Variants in PTPRT observed in about 807,000 individuals in gnomAD.
PTPRT encodes the protein protein tyrosine phosphatase receptor type T.
In PTPRT, 56 loss-of-function variants were observed where a neutral mutation model predicts 176.8. The ratio of observed to expected loss-of-function variants is 0.32; its 90% CI spans 0.26 to 0.40. The LOEUF (loss-of-function observed/expected upper bound fraction) is 0.40. Ranked by LOEUF, PTPRT falls within the 10% of genes least tolerant of loss-of-function variation. The pLI is 1.00. For missense variants in PTPRT, 1,540 were observed against 1,908.2 expected (o/e 0.81, Z 3.60); for synonymous variants, 783 against 739.0 (o/e 1.06, Z -0.96).
intron 1 of PTPRT, among the ~76,000 whole-genome samples, chr20:42,896,302 C>T (rs1350786370): frequency 1.3e-5 from 2 of 151,970 alleles, no homozygotes; most frequent in African/African-American, 4.8e-5. Flanking sequence ...TGGAGCGCCC[C>T]TTGCAAGACT....
chr20:42,206,385 TAGGGA>T (rs2055461623), intron 15 of PTPRT, among the ~76,000 whole-genome samples: 1 of 152,122 alleles, frequency 6.6e-6, no homozygotes, highest in Admixed American at 6.5e-5. Flanking sequence ...TTCATCTCAC[TAGGGA>T]GTGCCAGACA....
intron 17 of PTPRT, among the ~76,000 whole-genome samples, chr20:42,143,526 C>T (rs922683274): frequency 1.4e-5 from 2 of 146,576 alleles, no homozygotes; most frequent in African/African-American, 5.1e-5. Flanking sequence ...TACTGCACTC[C>T]AGCCTGGGCG....
At chr20:42,477,087 C>A (rs574522500) in intron 7 of PTPRT, among the ~76,000 whole-genome samples, 1 of 152,204 alleles carries the variant, frequency 6.6e-6, no homozygotes, top group Non-Finnish European at 1.5e-5. Context: ...CTGTCCACTT[C>A]CCCCAGACAT....
intron 1 of PTPRT, among the ~76,000 whole-genome samples, chr20:42,943,980 C>G (rs773433110): frequency 1.3e-5 from 2 of 152,136 alleles, no homozygotes; most frequent in Non-Finnish European, 2.9e-5. Flanking sequence ...GATGGCACCA[C>G]TGCACTCCAA....
chr20:43,163,855 C>T (rs986451402), intron 1 of PTPRT, among the ~76,000 whole-genome samples: 1 of 152,116 alleles, frequency 6.6e-6, no homozygotes, highest in Non-Finnish European at 1.5e-5. Flanking sequence ...TGAACACATC[C>T]GTTCCTCAAC....
intron 2 of PTPRT, among the ~76,000 whole-genome samples, chr20:42,867,217 T>C (rs2078760929): frequency 6.6e-6 from 1 of 152,198 alleles, no homozygotes; most frequent in African/African-American, 2.4e-5. Flanking sequence ...ATAAGTCTTA[T>C]GAGGCTCTTG....
intron 16 of PTPRT, among the ~76,000 whole-genome samples, chr20:42,183,750 T>A (rs958865837): frequency 2.6e-5 from 4 of 152,168 alleles, no homozygotes; most frequent in African/African-American, 9.7e-5. Flanking sequence ...AGTCTGCTCC[T>A]CTACTCCCTT....
At chr20:42,780,084 C>A in intron 4 of PTPRT, 134 bp downstream of exon 4, 1 of 786,034 alleles carries the variant, frequency 1.3e-6, no homozygotes, top group African/African-American at 1.7e-5. Context: ...AGTATGTAAG[C>A]ATTTCTGAAG....
intron 15 of PTPRT, among the ~76,000 whole-genome samples, chr20:42,221,129 G>A (rs1002723097): frequency 2.6e-5 from 4 of 151,930 alleles, no homozygotes; most frequent in Admixed American, 6.5e-5. Context: ...TCAGCCTCCC[G>A]AGTAGCTGAA....
chr20:43,097,793 T>G lies in PTPRT; in HGVS notation c.88+91853A>C, dbSNP rs975532136. On this transcript the variant is annotated intron_variant, in intron 1 of 30. Coordinates refer to ENST00000373187, the MANE Select transcript of PTPRT (RefSeq NM_007050.6). ...AGGACACCTCCAGACAGTGACAGGA[T>G]AGCTGAACACCAGCCACAGCTCCTT... 3.9e-5 allele frequency among the ~76,000 whole-genome samples: 6 copies of G among 152,212 alleles called. No homozygotes were observed. In the East Asian group the frequency reaches 1.2e-3, roughly 29 times the overall value.
intron 1 of PTPRT, among the ~76,000 whole-genome samples, chr20:43,023,278 A>G (rs146504362): frequency 0.013 from 1,949 of 152,200 alleles, 124 homozygotes; most frequent in Admixed American, 0.11. Context: ...ACTTTGACCT[A>G]TTTTGCATAA....
intron 1 of PTPRT, among the ~76,000 whole-genome samples, chr20:43,065,893 T>C (rs562816580): frequency 3.8e-4 from 58 of 152,266 alleles, no homozygotes; most frequent in African/African-American, 1.3e-3. Context: ...AAGGTGTCCA[T>C]AGAGTTAAAG....
At chr20:43,152,454 T>C (rs963072837) in intron 1 of PTPRT, among the ~76,000 whole-genome samples, 2 of 152,334 alleles carry the variant, frequency 1.3e-5, no homozygotes, top group East Asian at 3.9e-4. Flanking sequence ...CACAGATCTA[T>C]CTCAGTGTAG....
intron 4 of PTPRT, among the ~76,000 whole-genome samples, chr20:42,772,415 G>A (rs1490753786): frequency 6.6e-6 from 1 of 152,160 alleles, no homozygotes; most frequent in South Asian, 2.1e-4. Context: ...TCTAGGGACT[G>A]GACATAACAG....
At chr20:42,050,273 T>C in the PTPRT span, among the ~76,000 whole-genome samples, 1 of 152,176 alleles carries the variant, frequency 6.6e-6, no homozygotes, top group Non-Finnish European at 1.5e-5. Context: ...TCTGAGGCGT[T>C]TGGTCTCTTC....
rs138058732 is a variant in PTPRT at position 42,358,218 on chromosome 20, T to C, written c.1561-5933A>G. On this transcript the variant is annotated intron_variant, in intron 9 of 30. Coordinates refer to ENST00000373187, the MANE Select transcript of PTPRT (RefSeq NM_007050.6). ...GTATGAGGGGTATAAAACTCTCTCTTTTTTTTTTTTTACAGTTTCTCTGTA... is the reference window on the plus strand; with the variant it reads ...GTATGAGGGGTATAAAACTCTCTCTCTTTTTTTTTTTACAGTTTCTCTGTA... Among the ~76,000 whole-genome samples the C allele has an allele frequency of 3.9e-3, 574 of 146,754 alleles. 11 individuals are homozygous for C. The East Asian group carries it at 0.06, about 15-fold the overall frequency.
intron 1 of PTPRT, chr20:42,970,886 A>C (rs1383437540): frequency 1.3e-5 from 2 of 152,218 alleles, no homozygotes; most frequent in Non-Finnish European, 2.9e-5. Context: ...TCTGGTCTCC[A>C]GAGAAGAAAC....
rs138411856 is a variant in PTPRT, at chr20:42,955,792, G to A, written c.89-69860C>T. 4.2e-5 allele frequency among the ~76,000 whole-genome samples: 6 copies of A among 142,208 alleles called. No homozygotes were observed. The East Asian group carries it at 1.4e-3, about 33-fold the overall frequency. The allele number at this position is 142,208 out of a possible 152,430, so 93.3% of individuals were successfully genotyped here. ...ACTTCACTGCAGGGGCAAAGCCAAGGCAGAAAAAGTGAGGGAGAAGGAGGG... is the reference window on the plus strand; with the variant it reads ...ACTTCACTGCAGGGGCAAAGCCAAGACAGAAAAAGTGAGGGAGAAGGAGGG... On this transcript the variant is annotated intron_variant, in intron 1 of 30. Coordinates refer to ENST00000373187, the MANE Select transcript of PTPRT (RefSeq NM_007050.6).
chr20:43,173,935 T>G (rs1016100073), intron 1 of PTPRT, among the ~76,000 whole-genome samples: 4 of 152,190 alleles, frequency 2.6e-5, no homozygotes, highest in Non-Finnish European at 5.9e-5. Context: ...ACGACCACAG[T>G]GTGATTGTGA....
Sources: allele counts gnomAD v4.1 joint callset (sites outside exome capture counted in the v4.1 genomes callset), GRCh38; gene constraint gnomAD v4.1.1; transcripts MANE v1.5; gene names NCBI Gene and HGNC (gene_info 2026-07-23, HGNC 2026-07-21).